Variants in SIPA1L3 observed in about 807,000 individuals in gnomAD.
SIPA1L3 encodes signal-induced proliferation-associated 1-like protein 3.
SIPA1L3 carries 59 observed loss-of-function variants against 150.1 expected under a neutral mutation model. The observed-to-expected ratio is 0.39, with a 90% CI of 0.32 to 0.49. SIPA1L3 has a LOEUF of 0.49. SIPA1L3 is among the 20% of genes least tolerant of loss of function. The probability of loss-of-function intolerance (pLI) is 0.86; values close to 1 mark genes in which losing one functional copy is unlikely to be tolerated. For synonymous variants in SIPA1L3, 1,070 were observed against 1,077.6 expected, an observed-to-expected ratio of 0.99 and a Z score of 0.14; for missense variants, 2,211 against 2,489.5, an observed-to-expected ratio of 0.89 and a Z score of 2.38.
chr19:37,942,255 A>G (rs925302843), intron 1 of SIPA1L3, among the ~76,000 whole-genome samples: 1 of 152,008 alleles, frequency 6.6e-6, no homozygotes, highest in Non-Finnish European at 1.5e-5. Flanking sequence ...AGATAATTCC[A>G]GATGGGGATG....
At chr19:37,936,690 C>G (rs988312267) in intron 1 of SIPA1L3, among the ~76,000 whole-genome samples, 1 of 152,192 alleles carries the variant, frequency 6.6e-6, no homozygotes, top group Non-Finnish European at 1.5e-5. Flanking sequence ...AGTAACTTGC[C>G]ATATTTCCTC....
chr19:37,986,623 A>G (rs1967357234), intron 1 of SIPA1L3, among the ~76,000 whole-genome samples: 1 of 152,238 alleles, frequency 6.6e-6, no homozygotes, highest in African/African-American at 2.4e-5. Flanking sequence ...CAGGGAGAGA[A>G]GACTGCTTCC....
At chr19:38,056,074 C>T (rs1211206098) in intron 2 of SIPA1L3, among the ~76,000 whole-genome samples, 2 of 152,206 alleles carry the variant, frequency 1.3e-5, no homozygotes, top group Non-Finnish European at 2.9e-5. Context: ...TGCGGCTCTG[C>T]GGCCAGCATC....
rs1390403856 is a variant in SIPA1L3, at chr19:38,133,846, A to G, written c.3143+3074A>G. On this transcript the variant is annotated intron_variant, in intron 10 of 21. Transcript: ENST00000222345. ...AGATCCAACTTGTAAAGCACGTAGG[A>G]CAGGCCAGACCCAGTGAATTTGTGA... 2.0e-5 allele frequency among the ~76,000 whole-genome samples: 3 copies of G among 152,318 alleles called. No individual in the cohort carries two copies. In the East Asian group the frequency reaches 5.8e-4, roughly 29 times the overall value.
chr19:38,165,723 C>T lies in SIPA1L3; in HGVS notation c.4208+817C>T, dbSNP rs991969754. ...TGGCCCCCACCCAGAGTTTCTGATT[C>T]AATAGGTCGGAGCGGGAGACCTGAG... On this transcript the variant is annotated intron_variant, in intron 15 of 21. Transcript: ENST00000222345. 2.6e-5 allele frequency among the ~76,000 whole-genome samples: 4 copies of T among 152,140 alleles called. No homozygotes were observed. In the East Asian group the frequency reaches 7.7e-4, roughly 29 times the overall value.
chr19:37,973,500 G>T (rs1267740996), intron 1 of SIPA1L3, among the ~76,000 whole-genome samples: 4 of 141,992 alleles, frequency 2.8e-5, no homozygotes, highest in Non-Finnish European at 6.0e-5. Context: ...CTCCCAAAGT[G>T]CTGGGATTAC....
At chr19:38,122,208 A>C (rs1417934344) in intron 9 of SIPA1L3, among the ~76,000 whole-genome samples, 2 of 152,164 alleles carry the variant, frequency 1.3e-5, no homozygotes, top group Non-Finnish European at 2.9e-5. Flanking sequence ...GTGACAGAGC[A>C]AAACTCTGTC....
intron 9 of SIPA1L3, among the ~76,000 whole-genome samples, chr19:38,120,518 T>A (rs1353630063): frequency 6.6e-6 from 1 of 151,762 alleles, no homozygotes; most frequent in Non-Finnish European, 1.5e-5. Flanking sequence ...TCTAAAATAA[T>A]TAAAATAGAA....
chr19:38,109,133 C>G (rs2145874289), intron 7 of SIPA1L3, among the ~76,000 whole-genome samples: 1 of 152,270 alleles, frequency 6.6e-6, no homozygotes, highest in East Asian at 1.9e-4. Flanking sequence ...CATTTTCACA[C>G]TGCTAATGAA....
chr19:37,971,853 C>T (rs1284226360), intron 1 of SIPA1L3, among the ~76,000 whole-genome samples: 2 of 152,142 alleles, frequency 1.3e-5, no homozygotes, highest in Non-Finnish European at 2.9e-5. Flanking sequence ...AGGTGTGAGC[C>T]ATCACGCCCG....
At chr19:37,929,376 C>T (rs2046533311) in intron 1 of SIPA1L3, among the ~76,000 whole-genome samples, 1 of 152,192 alleles carries the variant, frequency 6.6e-6, no homozygotes, top group Non-Finnish European at 1.5e-5. Flanking sequence ...GCATAATGCC[C>T]ATGCATTTTT....
intron 8 of SIPA1L3, among the ~76,000 whole-genome samples, chr19:38,111,675 A>T (rs1970749047): frequency 1.3e-5 from 2 of 152,278 alleles, no homozygotes; most frequent in Non-Finnish European, 2.9e-5. Flanking sequence ...TGTGCTGCAC[A>T]TGTTGCCCGC....
At chr19:37,924,939 C>T (rs2046489572) in intron 1 of SIPA1L3, among the ~76,000 whole-genome samples, 1 of 151,012 alleles carries the variant, frequency 6.6e-6, no homozygotes, top group African/African-American at 2.4e-5. Flanking sequence ...ATCTGAGCTA[C>T]TCAGGAGGCT....
In SIPA1L3 at chr19:37,935,799, C is replaced by T. The variant is rs918292797; in HGVS notation, c.-379+28441C>T. Among the ~76,000 whole-genome samples the T allele has an allele frequency of 2.6e-5, 4 of 152,190 alleles. No homozygotes were observed. The East Asian group carries it at 7.7e-4, about 29-fold the overall frequency. On this transcript the variant is annotated intron_variant, in intron 1 of 21. Transcript: ENST00000222345. The stretch of plus-strand genomic sequence containing the variant: ...AGGCATAGATTTAGAACTGGCTCCA[C>T]ATCACTTCTACTTCATTCTGTTAGT...
In SIPA1L3 at chr19:38,141,193, G is replaced by A. The variant is rs147924406; in HGVS notation, c.3153G>A (p.Pro1051=). ...FEDGTPRRGW[P]ETYDMNTSEP... ...CAGTTTTTCTCCCCAGGGGTTGGCCGGAGACCTACGACATGAATACCTCGG... is the reference window on the plus strand; with the variant it reads ...CAGTTTTTCTCCCCAGGGGTTGGCCAGAGACCTACGACATGAATACCTCGG... The change falls in exon 11 of 22, where the codon CCG becomes CCA. Residue 1051 remains proline (P), a synonymous_variant. Coordinates refer to ENST00000222345, the MANE Select transcript of SIPA1L3 (RefSeq NM_015073.3). The A allele has an allele frequency of 1.3e-4, 208 of 1,593,068 alleles. No individual in the cohort carries two copies. In the East Asian group the frequency reaches 2.2e-3, roughly 17 times the overall value.
intron 1 of SIPA1L3, among the ~76,000 whole-genome samples, chr19:37,957,519 T>G (rs1014995011): frequency 6.6e-6 from 1 of 152,142 alleles, no homozygotes; most frequent in African/African-American, 2.4e-5. Flanking sequence ...TATGTATTTT[T>G]TTTATGCTAT....
intron 2 of SIPA1L3, among the ~76,000 whole-genome samples, chr19:38,050,720 G>T (rs1426710209): frequency 6.6e-6 from 1 of 152,066 alleles, no homozygotes; most frequent in African/African-American, 2.4e-5. Flanking sequence ...TTTGAGTCGA[G>T]TGCTGTATAT....
chr19:38,201,150 C>A (rs540753606), intron 19 of SIPA1L3, among the ~76,000 whole-genome samples: 21 of 152,176 alleles, frequency 1.4e-4, no homozygotes, highest in Non-Finnish European at 2.6e-4. Context: ...TTAACACCTC[C>A]GAGGATTCCA....
chr19:38,042,415 T>G (rs1170310971), intron 2 of SIPA1L3, among the ~76,000 whole-genome samples: 1 of 152,236 alleles, frequency 6.6e-6, no homozygotes, highest in African/African-American at 2.4e-5. Context: ...GCAGTGTTGC[T>G]TTGGCTAGTT....
Sources: allele counts gnomAD v4.1 joint callset (sites outside exome capture counted in the v4.1 genomes callset), GRCh38; gene constraint gnomAD v4.1.1; transcripts MANE v1.5; gene names NCBI Gene and HGNC (gene_info 2026-07-23, HGNC 2026-07-21).